The following KCNIP1 variants were observed in gnomAD, a reference collection of about 807,000 sequenced individuals.
KCNIP1 encodes the protein A-type potassium channel modulatory protein KCNIP1.
Under a neutral mutation model 33.0 loss-of-function variants are expected in KCNIP1, and 18 were observed. That is an observed-to-expected ratio of 0.55 (90% CI 0.38 to 0.81). The LOEUF (loss-of-function observed/expected upper bound fraction) is 0.81, where lower values mean the gene tolerates loss of function less well. Among genes scored for constraint, KCNIP1 ranks in the 30% least tolerant of loss-of-function variants. KCNIP1 has a pLI of 0.00. For synonymous variants in KCNIP1, 93 were observed against 98.3 expected (o/e 0.95, Z 0.32); for missense variants, 238 against 271.6 (o/e 0.88, Z 0.87).
At chr5:170,421,415 C>T (rs536096145) in intron 1 of KCNIP1, among the ~76,000 whole-genome samples, 2 of 152,250 alleles carry the variant, frequency 1.3e-5, no homozygotes, top group African/African-American at 4.8e-5. Flanking sequence ...TGTCTTGGCC[C>T]ATTATGGCTG....
intron 1 of KCNIP1, among the ~76,000 whole-genome samples, chr5:170,590,124 T>C (rs1364756188): frequency 1.3e-5 from 2 of 152,146 alleles, no homozygotes; most frequent in Non-Finnish European, 2.9e-5. Flanking sequence ...GTTGATTTTA[T>C]TGGACACAAG....
chr5:170,554,847 G>C (rs966983751), intron 1 of KCNIP1, among the ~76,000 whole-genome samples: 1 of 152,012 alleles, frequency 6.6e-6, no homozygotes, highest in African/African-American at 2.4e-5. Flanking sequence ...GCACCACCCA[G>C]AGCCTGTTAG....
intron 1 of KCNIP1, among the ~76,000 whole-genome samples, chr5:170,459,164 C>A (rs956752047): frequency 2.4e-4 from 37 of 152,052 alleles, no homozygotes; most frequent in Non-Finnish European, 2.1e-4. Flanking sequence ...TATATATGCA[C>A]CTAACACTGA....
intron 5 of KCNIP1, among the ~76,000 whole-genome samples, chr5:170,732,047 CTG>C (rs1764224421): frequency 6.6e-6 from 1 of 152,062 alleles, no homozygotes; most frequent in Admixed American, 6.5e-5. Context: ...CATGAACTCT[CTG>C]TACTAATTTT....
In KCNIP1 at chr5:170,564,038, C is replaced by T. The variant is rs569417031; in HGVS notation, c.61+59405C>T. 3.9e-4 allele frequency among the ~76,000 whole-genome samples: 60 copies of T among 152,266 alleles called. 1 individual carries two copies. The highest frequency in any genetic ancestry group is 4.4e-4 in the Non-Finnish European group (30 of 68,020). ...ACACACAGAGTCCCCAACCACCCTA[C>T]GTCCTCTTTCCTCCATAACCACGTC... On this transcript the variant is annotated intron_variant, in intron 1 of 7. Coordinates refer to ENST00000328939, the MANE Select transcript of KCNIP1 (RefSeq NM_014592.4).
intron 1 of KCNIP1, among the ~76,000 whole-genome samples, chr5:170,550,916 A>G (rs1161064418): frequency 6.6e-6 from 1 of 152,194 alleles, no homozygotes; most frequent in Admixed American, 6.5e-5. Context: ...TAAGTAACTA[A>G]CTCTTAAGCT....
Position 170,638,471 on chromosome 5 carries a change from A to G in KCNIP1, c.62-80287A>G, listed in dbSNP as rs193180106. On this transcript the variant is annotated intron_variant, in intron 1 of 7. Coordinates refer to ENST00000328939, the MANE Select transcript of KCNIP1 (RefSeq NM_014592.4). ...CACACAAGGTCTGAGTCTCAAATGCATACAATTTGACCCCATAGTCTAAGG... is the reference window on the plus strand; with the variant it reads ...CACACAAGGTCTGAGTCTCAAATGCGTACAATTTGACCCCATAGTCTAAGG... 4.1e-3 allele frequency among the ~76,000 whole-genome samples: 626 copies of G among 152,318 alleles called. 5 individuals carry two copies. Among genetic ancestry groups the G allele is most frequent in the African/African-American group, 0.014 (583 of 41,564 alleles).
intron 1 of KCNIP1, among the ~76,000 whole-genome samples, chr5:170,545,255 C>T (rs1465469057): frequency 6.6e-6 from 1 of 152,142 alleles, no homozygotes; most frequent in Non-Finnish European, 1.5e-5. Flanking sequence ...ATTGGTGCTT[C>T]CTTGAAGGTA....
chr5:170,436,706 G>A (rs200942291), intron 1 of KCNIP1, among the ~76,000 whole-genome samples: 23 of 152,300 alleles, frequency 1.5e-4, no homozygotes, highest in Admixed American at 1.0e-3. Flanking sequence ...TTTCTGCAGT[G>A]TTTTAGCTCA....
At chr5:170,365,357 T>G (rs559589757) in intron 1 of KCNIP1, among the ~76,000 whole-genome samples, 19 of 152,294 alleles carry the variant, frequency 1.2e-4, no homozygotes, top group Admixed American at 8.5e-4. Flanking sequence ...CCACACTTCC[T>G]CCTTAGCAAG....
chr5:170,713,138 G>A (rs146900671), intron 1 of KCNIP1, among the ~76,000 whole-genome samples: 260 of 152,336 alleles, frequency 1.7e-3, no homozygotes, highest in Admixed American at 5.9e-3. Flanking sequence ...GAGCCCATTT[G>A]CAGCTCAAGT....
intron 1 of KCNIP1, among the ~76,000 whole-genome samples, chr5:170,355,866 T>C (rs1315620329): frequency 6.6e-6 from 1 of 152,202 alleles, no homozygotes; most frequent in African/African-American, 2.4e-5. Flanking sequence ...TGGCCAGGGC[T>C]CAGAGAGGCA....
intron 1 of KCNIP1, among the ~76,000 whole-genome samples, chr5:170,698,093 A>G (rs952820527): frequency 6.6e-6 from 1 of 152,180 alleles, no homozygotes; most frequent in Non-Finnish European, 1.5e-5. Context: ...AGAAGACCCA[A>G]GAGCTGTGGG....
chr5:170,600,189 C>A (rs543990187), intron 1 of KCNIP1, among the ~76,000 whole-genome samples: 3 of 152,298 alleles, frequency 2.0e-5, no homozygotes, highest in African/African-American at 7.2e-5. Flanking sequence ...GTAACTGGTC[C>A]TTACGCTACT....
chr5:170,485,659 G>A (rs958742299), intron 1 of KCNIP1, among the ~76,000 whole-genome samples: 2 of 152,340 alleles, frequency 1.3e-5, no homozygotes, highest in East Asian at 3.9e-4. Flanking sequence ...AGGGGCCAGG[G>A]AGAGGGGCTG....
chr5:170,723,420 A>T (rs1347510600), intron 5 of KCNIP1, among the ~76,000 whole-genome samples: 1 of 151,648 alleles, frequency 6.6e-6, no homozygotes, highest in Non-Finnish European at 1.5e-5. Context: ...CTCAAAACTC[A>T]CTTTGGTATC....
At chr5:170,412,268 G>A (rs946173639) in intron 1 of KCNIP1, among the ~76,000 whole-genome samples, 1 of 152,110 alleles carries the variant, frequency 6.6e-6, no homozygotes, top group African/African-American at 2.4e-5. Flanking sequence ...ACATCTGTGG[G>A]AGAAGCAAGT....
At chr5:170,597,916 G>A (rs1250458203) in intron 1 of KCNIP1, among the ~76,000 whole-genome samples, 2 of 151,044 alleles carry the variant, frequency 1.3e-5, no homozygotes, top group African/African-American at 2.4e-5. Flanking sequence ...TAAATGCACC[G>A]AATCCGATTT....
Position 170,504,812 on chromosome 5 carries a change from G to A in KCNIP1, c.61+179G>A, listed in dbSNP as rs1754646958. Among the ~76,000 whole-genome samples, 1 of 152,292 alleles carries A rather than the reference G, an allele frequency of 6.6e-6. No individual in the cohort carries two copies. The highest frequency in any genetic ancestry group is 2.4e-5 in the African/African-American group (1 of 41,562). On this transcript the variant is annotated intron_variant, in intron 1 of 7. Transcript: ENST00000328939. The surrounding 1 kb of genome is among the most constrained non-coding windows in gnomAD (Gnocchi z 6.0). ...AGGGCTGGTGTGAACACCCAGAGGA[G>A]GGAGCCGGAGTGGACGTCTGCCCCA...
Sources: allele counts gnomAD v4.1 joint callset (sites outside exome capture counted in the v4.1 genomes callset), GRCh38; gene constraint gnomAD v4.1.1; non-coding constraint Gnocchi (gnomAD v3.1); transcripts MANE v1.5; gene names NCBI Gene and HGNC (gene_info 2026-07-23, HGNC 2026-07-21).